The following LAYN variants were observed in gnomAD, a reference collection of about 807,000 sequenced individuals.
LAYN encodes the protein layilin.
In LAYN, 38 loss-of-function variants were observed where a neutral mutation model predicts 43.6. The observed-to-expected ratio is 0.87, with a 90% CI of 0.67 to 1.14. The LOEUF (loss-of-function observed/expected upper bound fraction) is 1.14, where lower values mean the gene tolerates loss of function less well. LAYN is among the 50% of genes most tolerant of loss of function. LAYN has a pLI of 0.00. For synonymous variants in LAYN, 168 were observed against 172.9 expected (o/e 0.97, Z 0.22); for missense variants, 479 against 463.8 (o/e 1.03, Z -0.30).
intron 2 of LAYN, among the ~76,000 whole-genome samples, chr11:111,544,670 G>A (rs192830537): frequency 1.3e-5 from 2 of 152,132 alleles, no homozygotes; most frequent in Admixed American, 1.3e-4. Context: ...CAGTGTATAG[G>A]GCCCTGCTAA....
At position 111,544,573 on chromosome 11, in the gene LAYN, C is replaced by T. The variant is rs139369476; in HGVS notation, c.383+353C>T. On this transcript the variant is annotated intron_variant, in intron 2 of 6. Transcript: ENST00000375614. ...CTATGACTCAGGGTAGGACTCCAGTCCACAGGGAATTGTAATAATGGGCAA... is the reference window on the plus strand; with the variant it reads ...CTATGACTCAGGGTAGGACTCCAGTTCACAGGGAATTGTAATAATGGGCAA... Among the ~76,000 whole-genome samples the T allele has an allele frequency of 2.6e-3, 401 of 152,228 alleles. 3 individuals carry two copies. Among genetic ancestry groups the T allele is most frequent in the African/African-American group, 9.2e-3 (384 of 41,538 alleles).
At chr11:111,549,214 C>G (rs1317579819) in intron 2 of LAYN, among the ~76,000 whole-genome samples, 1 of 152,140 alleles carries the variant, frequency 6.6e-6, no homozygotes, top group Non-Finnish European at 1.5e-5. Context: ...GAGATGAGAG[C>G]AGGGCAAGCT....
chr11:111,549,904 C>A, intron 3 of LAYN, 129 bp downstream of exon 3: 1 of 958,912 alleles, frequency 1.0e-6, no homozygotes, highest in Non-Finnish European at 1.5e-6. Context: ...CAACATAAAA[C>A]CTTAAGAATT....
chr11:111,551,230 T>C, intron 3 of LAYN: 3 of 414,734 alleles, frequency 7.2e-6, no homozygotes, highest in Admixed American at 5.4e-5. Context: ...ATGCAGCTAC[T>C]ATCAAACCAT....
Position 111,543,912 on chromosome 11 carries a change from T to G in LAYN, c.86-11T>G, listed in dbSNP as rs1409951899. 3 of 1,594,534 alleles carry G rather than the reference T, an allele frequency of 1.9e-6. No homozygotes were observed. The highest frequency in any genetic ancestry group is 1.8e-5 in the Admixed American group (1 of 55,538). On this transcript the variant is annotated splice_polypyrimidine_tract_variant and intron_variant, in intron 1 of 6. Transcript: ENST00000375614. Reference sequence around the variant, plus strand: ...GAGACACTGAAATAGATTGGCTTCTTTTTTCTCTAGGGCAGCCAGTCTGCC... The same window carrying G: ...GAGACACTGAAATAGATTGGCTTCTGTTTTCTCTAGGGCAGCCAGTCTGCC...
intron 1 of LAYN, chr11:111,541,190 G>A: frequency 1.7e-6 from 1 of 593,502 alleles, no homozygotes; most frequent in Non-Finnish European, 3.0e-6. Flanking sequence ...TATGGGGGTG[G>A]GTTGGAGAAT....
At chr11:111,541,646 G>C in intron 1 of LAYN, 1 of 1,475,422 alleles carries the variant, frequency 6.8e-7, no homozygotes, top group Non-Finnish European at 9.2e-7. Flanking sequence ...GAGAACATCC[G>C]TGCCCTTTTC....
At chr11:111,541,361 G>C in intron 1 of LAYN, 1 of 617,384 alleles carries the variant, frequency 1.6e-6, no homozygotes, top group South Asian at 1.9e-5. Context: ...CAGAGACAGC[G>C]GGGTAGGGAT....
chr11:111,544,626 G>A (rs1418243990), intron 2 of LAYN, among the ~76,000 whole-genome samples: 1 of 152,122 alleles, frequency 6.6e-6, no homozygotes, highest in Non-Finnish European at 1.5e-5. Context: ...CTAACTCTGT[G>A]GATTGGCCAA....
upstream of LAYN, chr11:111,540,478 T>G: frequency 3.0e-6 from 1 of 334,900 alleles, no homozygotes; most frequent in East Asian, 7.2e-5. Context: ...GGGGCCCGAC[T>G]GAAGTATTCC....
chr11:111,550,576 T>C (rs1408022952), intron 3 of LAYN, among the ~76,000 whole-genome samples: 3 of 152,196 alleles, frequency 2.0e-5, no homozygotes. Context: ...CATTTTAAAA[T>C]TGTTTGAACT....
chr11:111,554,323 T>A lies in LAYN; in HGVS notation c.542-238T>A, dbSNP rs1166256425. On this transcript the variant is annotated intron_variant, in intron 3 of 6. Coordinates refer to ENST00000375614, the MANE Select transcript of LAYN (RefSeq NM_178834.5). The stretch of plus-strand genomic sequence containing the variant: ...TTTGGAAATTATCATATTTAAACGT[T>A]TTTAAATACTTTTTTAAAAACAAAA... Among the ~76,000 whole-genome samples the A allele has an allele frequency of 1.3e-5, 2 of 151,996 alleles. 1 individual carries two copies. Among genetic ancestry groups the A allele is most frequent in the South Asian group, 4.1e-4 (2 of 4,824 alleles).
At chr11:111,548,112 C>A (rs1364463079) in intron 2 of LAYN, among the ~76,000 whole-genome samples, 1 of 152,182 alleles carries the variant, frequency 6.6e-6, no homozygotes, top group Non-Finnish European at 1.5e-5. Context: ...CCAGTATGCT[C>A]CCATTCTAAT....
In LAYN at chr11:111,549,650, G is replaced by A; in HGVS notation, c.416G>A (p.Ser139Asn). The A allele has an allele frequency of 6.3e-7, 1 of 1,585,444 alleles. No homozygotes were observed. Among genetic ancestry groups the A allele is most frequent in the Non-Finnish European group, 8.6e-7 (1 of 1,169,392 alleles). Residue 139 changes from serine (S) to asparagine (N), a missense_variant, in exon 3 of 7, where the codon AGC (serine) becomes AAC (asparagine). Coordinates refer to ENST00000375614, the MANE Select transcript of LAYN (RefSeq NM_178834.5). Reference protein sequence around the residue: ...NWYVDEPSCGSEVCVVMYHQP... With the variant: ...NWYVDEPSCGNEVCVVMYHQP... The stretch of plus-strand genomic sequence containing the variant: ...TATGTGGATGAGCCATCCTGCGGCA[G>A]CGAGGTCTGCGTGGTCATGTACCAT...
At chr11:111,543,602 C>G (rs1867587165) in intron 1 of LAYN, among the ~76,000 whole-genome samples, 1 of 152,174 alleles carries the variant, frequency 6.6e-6, no homozygotes, top group Non-Finnish European at 1.5e-5. Flanking sequence ...TATTTGTGTG[C>G]CTTTCAGTGA....
rs1397295763 is a variant in LAYN at position 111,560,092 on chromosome 11, T to C, written c.762-3T>C. 1.3e-6 allele frequency: 2 copies of C among 1,595,196 alleles called. No individual in the cohort carries two copies. The highest frequency in any genetic ancestry group is 1.7e-6 in the Non-Finnish European group (2 of 1,170,866). ...ACTCAGCCCTGGTTTTCTTTCTTCC[T>C]AGAAAACGGGAGCAGCCAGACCCTA... On this transcript the variant is annotated splice_polypyrimidine_tract_variant and splice_region_variant and intron_variant, in intron 6 of 6. Transcript: ENST00000375614.
At chr11:111,549,082 T>G (rs1786271617) in intron 2 of LAYN, among the ~76,000 whole-genome samples, 1 of 152,244 alleles carries the variant, frequency 6.6e-6, no homozygotes, top group South Asian at 2.1e-4. Context: ...CTCCTGCTTT[T>G]GTCCCCACCC....
At chr11:111,541,550 G>T in intron 1 of LAYN, 1 of 1,536,366 alleles carries the variant, frequency 6.5e-7, no homozygotes. Flanking sequence ...TCCTCCTGTT[G>T]TGTCACTGCA....
chr11:111,555,805 C>A (rs1170048995), intron 5 of LAYN, among the ~76,000 whole-genome samples: 3 of 152,244 alleles, frequency 2.0e-5, no homozygotes, highest in African/African-American at 7.2e-5. Context: ...GTTTTTGTCA[C>A]TGGGCAACTT....
Sources: gnomAD v4.1 joint callset for allele counts (sites outside exome capture counted in the v4.1 genomes callset) on GRCh38, gnomAD v4.1.1 for gene constraint, MANE v1.5 for transcripts, NCBI Gene and HGNC (gene_info 2026-07-23, HGNC 2026-07-21) for gene names.